The following TIAM1 variants were observed in gnomAD, a reference collection of about 807,000 sequenced individuals.
TIAM1 encodes the protein rho guanine nucleotide exchange factor TIAM1.
In TIAM1, 65 loss-of-function variants were observed where a neutral mutation model predicts 163.5. The observed-to-expected ratio is 0.40, with a 90% CI of 0.33 to 0.49. TIAM1 has a LOEUF of 0.49. Among genes scored for constraint, TIAM1 ranks in the 20% least tolerant of loss-of-function variants. TIAM1 has a pLI of 0.77. For missense variants in TIAM1, 1,789 were observed against 2,044.7 expected, an observed-to-expected ratio of 0.87 and a Z score of 2.41; for synonymous variants, 833 against 810.1, an observed-to-expected ratio of 1.03 and a Z score of -0.48.
Position 31,266,786 on chromosome 21 carries a change from T to C in TIAM1, c.187A>G (p.Ser63Gly), listed in dbSNP as rs775168649. ...TTTTCAGCCAGGGACTGGGGGATGC[T>C]GGGGGTGCTGCTGGATCGGGTGCTC... is the stretch of plus-strand genomic sequence containing the variant. ...EVSTRSSSTPSIPQSLAENGL... is the reference protein window; with the variant it reads ...EVSTRSSSTPGIPQSLAENGL... Residue 63 changes from serine to glycine, a missense_variant, in exon 4 of 28, where the codon AGC becomes GGC. Coordinates refer to ENST00000541036, the MANE Select transcript of TIAM1 (RefSeq NM_001353694.2). The C allele has an allele frequency of 1.2e-6, 2 of 1,614,200 alleles. No homozygotes were observed. The highest frequency in any genetic ancestry group is 1.7e-6 in the Non-Finnish European group (2 of 1,180,040).
chr21:31,306,365 A>C (rs1177872466), intron 2 of TIAM1, among the ~76,000 whole-genome samples: 1 of 152,210 alleles, frequency 6.6e-6, no homozygotes, highest in Non-Finnish European at 1.5e-5. Flanking sequence ...CCATATAGAG[A>C]GAAATAAAAT....
chr21:31,409,784 G>C (rs1482732887), intron 2 of TIAM1, among the ~76,000 whole-genome samples: 1 of 152,204 alleles, frequency 6.6e-6, no homozygotes, highest in Admixed American at 6.5e-5. Context: ...TCCCTCCCTG[G>C]TGGGGGGCAG....
rs974278681 is a variant in TIAM1 at position 31,246,776 on chromosome 21, C to T, written c.1412-1116G>A. 8.5e-5 allele frequency among the ~76,000 whole-genome samples: 13 copies of T among 152,350 alleles called. No homozygotes were observed. In the South Asian group the frequency reaches 2.1e-3, roughly 24 times the overall value. Reference sequence around the variant, plus strand: ...ACCACAGAATAGCTGTTGAACTCTACGTCCCTCCAAACAGATGAATGTAGC... The same window carrying T: ...ACCACAGAATAGCTGTTGAACTCTATGTCCCTCCAAACAGATGAATGTAGC... On this transcript the variant is annotated intron_variant, in intron 5 of 27. Transcript: ENST00000541036.
intron 2 of TIAM1, among the ~76,000 whole-genome samples, chr21:31,460,425 G>A (rs967541230): frequency 4.6e-5 from 7 of 152,250 alleles, no homozygotes; most frequent in Middle Eastern, 3.4e-3. Flanking sequence ...TCAGGAGTTC[G>A]AGATCAGCCT....
At chr21:31,361,983 C>T (rs1178313795) in intron 2 of TIAM1, among the ~76,000 whole-genome samples, 1 of 151,924 alleles carries the variant, frequency 6.6e-6, no homozygotes, top group Admixed American at 6.6e-5. Flanking sequence ...TGCAAGTATA[C>T]ATATATGACT....
intron 27 of TIAM1, among the ~76,000 whole-genome samples, chr21:31,122,379 T>C (rs1211822698): frequency 6.6e-6 from 1 of 152,214 alleles, no homozygotes; most frequent in East Asian, 1.9e-4. Flanking sequence ...AATCACCACA[T>C]TAGAACTACC....
At chr21:31,306,655 C>T (rs2074722187) in intron 2 of TIAM1, among the ~76,000 whole-genome samples, 1 of 152,144 alleles carries the variant, frequency 6.6e-6, no homozygotes, top group Admixed American at 6.5e-5. Flanking sequence ...TGGAGTGAAT[C>T]GTGAGAAAAC....
intron 1 of TIAM1, among the ~76,000 whole-genome samples, chr21:31,493,519 A>C (rs1047847969): frequency 2.0e-5 from 3 of 152,162 alleles, no homozygotes; most frequent in Non-Finnish European, 4.4e-5. Context: ...AAAAACAGAA[A>C]ACTTTAACAA....
In TIAM1 at chr21:31,182,517, C is replaced by G; in HGVS notation, c.2791G>C (p.Glu931Gln). 6.2e-7 allele frequency: 1 copy of G among 1,613,766 alleles called. No homozygotes were observed. Among genetic ancestry groups the G allele is most frequent in the Non-Finnish European group, 8.5e-7 (1 of 1,179,866 alleles). The change falls in exon 15 of 28, where the codon GAG becomes CAG. Residue 931 changes from glutamate to glutamine, a missense_variant. Physicochemically the swap from Glu to Gln is conservative, Grantham distance 29 (BLOSUM62 2). Coordinates refer to ENST00000541036, the MANE Select transcript of TIAM1 (RefSeq NM_001353694.2). ...CTTTCCAGCAGCTCCACTCCTTCCT[C>G]CAGCTCGGGGTAGGTCCTCACCAGG... ...GLLVRTYPEL[E>Q]EGVELLESPP...
intron 2 of TIAM1, among the ~76,000 whole-genome samples, chr21:31,298,869 A>G (rs1459239260): frequency 2.6e-5 from 4 of 152,034 alleles, no homozygotes; most frequent in Non-Finnish European, 5.9e-5. Flanking sequence ...GTATAATGGT[A>G]TATATCCTCC....
At chr21:31,147,731 AAT>A (rs2083194868) in intron 19 of TIAM1, among the ~76,000 whole-genome samples, 1 of 143,666 alleles carries the variant, frequency 7.0e-6, no homozygotes, top group Non-Finnish European at 1.5e-5. Flanking sequence ...TAAAATATAT[AAT>A]ATATAAAAAT....
intron 11 of TIAM1, among the ~76,000 whole-genome samples, chr21:31,205,201 A>C (rs2086389370): frequency 6.6e-6 from 1 of 152,260 alleles, no homozygotes; most frequent in Admixed American, 6.5e-5. Context: ...TCGAAGCTGC[A>C]AATGTTTCCC....
chr21:31,178,455 C>T lies in TIAM1; in HGVS notation c.2887+3966G>A, dbSNP rs1346715945. Among the ~76,000 whole-genome samples, 9 of 151,886 alleles carry T rather than the reference C, an allele frequency of 5.9e-5. No individual in the cohort carries two copies. In the East Asian group the frequency reaches 9.8e-4, roughly 16 times the overall value. On this transcript the variant is annotated intron_variant, in intron 15 of 27. Coordinates refer to ENST00000541036, the MANE Select transcript of TIAM1 (RefSeq NM_001353694.2). ...CCGAGTAGCTGGGACTACAGGCACC[C>T]GCCACCTTGCCCAGCTAATTTTTTG...
chr21:31,297,574 A>G (rs1339039808), intron 2 of TIAM1, among the ~76,000 whole-genome samples: 2 of 152,030 alleles, frequency 1.3e-5, no homozygotes, highest in Non-Finnish European at 2.9e-5. Flanking sequence ...TTTGTATTTT[A>G]GGTATCACCA....
chr21:31,540,084 AATAAAAGGTAGG>A (rs757811428), intron 1 of TIAM1, among the ~76,000 whole-genome samples: 42 of 152,214 alleles, frequency 2.8e-4, no homozygotes, highest in Admixed American at 7.9e-4. Flanking sequence ...GGAAAGGATC[AATAAAAGGTAGG>A]AAGTACAGGC....
At chr21:31,233,124 C>G (rs943417120) in intron 6 of TIAM1, among the ~76,000 whole-genome samples, 2 of 152,094 alleles carry the variant, frequency 1.3e-5, no homozygotes, top group Middle Eastern at 3.4e-3. Flanking sequence ...ACGTAAGTGG[C>G]AGGAAAAGGG....
At chr21:31,424,567 T>C (rs940065704) in intron 2 of TIAM1, among the ~76,000 whole-genome samples, 4 of 152,216 alleles carry the variant, frequency 2.6e-5, no homozygotes, top group African/African-American at 9.6e-5. Context: ...GTGCTTCCAC[T>C]TATATGAGGT....
At chr21:31,337,748 T>G (rs2075890623) in intron 2 of TIAM1, among the ~76,000 whole-genome samples, 1 of 151,960 alleles carries the variant, frequency 6.6e-6, no homozygotes, top group African/African-American at 2.4e-5. Flanking sequence ...CTAGACTGGC[T>G]CGGACTCTTG....
intron 1 of TIAM1, among the ~76,000 whole-genome samples, chr21:31,482,416 T>G (rs1446471801): frequency 6.6e-6 from 1 of 152,094 alleles, no homozygotes; most frequent in Admixed American, 6.5e-5. Context: ...CCTCCCAAAG[T>G]GCTGTGATTA....
Sources: gnomAD v4.1 joint callset for allele counts (sites outside exome capture counted in the v4.1 genomes callset) on GRCh38, gnomAD v4.1.1 for gene constraint, MANE v1.5 for transcripts, NCBI Gene and HGNC (gene_info 2026-07-23, HGNC 2026-07-21) for gene names.